The following PRIM2 variants were observed in gnomAD, a reference collection of about 807,000 sequenced individuals.
The protein encoded by PRIM2 is DNA primase subunit 2.
PRIM2 carries 39 observed loss-of-function variants against 67.3 expected under a neutral mutation model. That is an observed-to-expected ratio of 0.58 (90% CI 0.45 to 0.76). The LOEUF is 0.76. Ranked by LOEUF, PRIM2 falls within the 30% of genes least tolerant of loss-of-function variation. The pLI, the probability that PRIM2 is intolerant of heterozygous loss-of-function variation, is 0.00. For missense variants in PRIM2, 398 were observed against 598.7 expected, an observed-to-expected ratio of 0.66 and a Z score of 3.50; for synonymous variants, 143 against 198.7, an observed-to-expected ratio of 0.72 and a Z score of 2.36.
At chr6:57,497,044 G>C (rs1774020366) in intron 7 of PRIM2, among the ~76,000 whole-genome samples, 1 of 152,278 alleles carries the variant, frequency 6.6e-6, no homozygotes, top group African/African-American at 2.4e-5. Flanking sequence ...CTAAGGAATA[G>C]ATAAAACCAT....
At chr6:57,288,526 G>T in the PRIM2 span, among the ~76,000 whole-genome samples, 1 of 152,270 alleles carries the variant, frequency 6.6e-6, no homozygotes, top group African/African-American at 2.4e-5. Context: ...AGCCTGACTG[G>T]GAGATACCTC....
chr6:57,578,923 G>T (rs1776022316), intron 10 of PRIM2, among the ~76,000 whole-genome samples: 1 of 151,452 alleles, frequency 6.6e-6, no homozygotes, highest in Admixed American at 6.6e-5. Flanking sequence ...TGATCCGCCC[G>T]CCTCGGCCTC....
At chr6:57,283,211 A>G in the PRIM2 span, among the ~76,000 whole-genome samples, 1 of 152,196 alleles carries the variant, frequency 6.6e-6, no homozygotes, top group Non-Finnish European at 1.5e-5. Flanking sequence ...ATGATCAACA[A>G]TTCAACCATA....
intron 10 of PRIM2, among the ~76,000 whole-genome samples, chr6:57,581,957 C>G (rs1253469832): frequency 6.6e-6 from 1 of 152,176 alleles, no homozygotes; most frequent in Non-Finnish European, 1.5e-5. Flanking sequence ...AGACCAGCAT[C>G]CCATGTAGCT....
chr6:57,637,254 T>A (rs2127500623), intron 13 of PRIM2, among the ~76,000 whole-genome samples: 1 of 152,212 alleles, frequency 6.6e-6, no homozygotes, highest in African/African-American at 2.4e-5. Flanking sequence ...CATGCAAAGT[T>A]CACCAACATC....
intron 10 of PRIM2, among the ~76,000 whole-genome samples, chr6:57,537,884 A>G (rs1418922661): frequency 4.6e-5 from 7 of 152,228 alleles, no homozygotes; most frequent in East Asian, 1.9e-4. Flanking sequence ...AGAGTTATAT[A>G]TCTGTAGGAA....
chr6:57,276,627 A>G, the PRIM2 span, among the ~76,000 whole-genome samples: 1 of 152,096 alleles, frequency 6.6e-6, no homozygotes, highest in African/African-American at 2.4e-5. Context: ...TGAAGAAATG[A>G]TCATTAAGAT....
chr6:57,496,635 T>C (rs1774011413), intron 7 of PRIM2, among the ~76,000 whole-genome samples: 1 of 152,214 alleles, frequency 6.6e-6, no homozygotes, highest in South Asian at 2.1e-4. Context: ...GTTTATTATC[T>C]TACATTAAAT....
intron 10 of PRIM2, among the ~76,000 whole-genome samples, chr6:57,578,571 T>C (rs1776004073): frequency 1.3e-5 from 2 of 152,230 alleles, no homozygotes; most frequent in Admixed American, 1.3e-4. Flanking sequence ...ATCCAGTCTT[T>C]GTTGTTGATT....
intron 7 of PRIM2, among the ~76,000 whole-genome samples, chr6:57,501,055 G>C (rs1774120035): frequency 1.3e-5 from 2 of 152,146 alleles, no homozygotes; most frequent in East Asian, 1.9e-4. Context: ...GCTTTTCCTA[G>C]GTGCAACCAA....
At chr6:57,474,734 G>T (rs2127403233) in intron 7 of PRIM2, among the ~76,000 whole-genome samples, 1 of 152,258 alleles carries the variant, frequency 6.6e-6, no homozygotes, top group South Asian at 2.1e-4. Context: ...GGTGATTAAA[G>T]AGGTGTACTC....
upstream of PRIM2, among the ~76,000 whole-genome samples, chr6:57,314,432 C>T (rs1194216859): frequency 5.9e-5 from 9 of 152,216 alleles, no homozygotes; most frequent in Admixed American, 5.9e-4. Context: ...AGGAGAATTG[C>T]CTGAACCCAG....
At chr6:57,541,471 G>A (rs1476066193) in intron 10 of PRIM2, among the ~76,000 whole-genome samples, 2 of 152,060 alleles carry the variant, frequency 1.3e-5, no homozygotes, top group African/African-American at 4.8e-5. Context: ...GTGAATATAT[G>A]TAATATTCAA....
intron 7 of PRIM2, among the ~76,000 whole-genome samples, chr6:57,453,338 TTGATGGGGA>T (rs1403551179): frequency 5.9e-5 from 9 of 152,296 alleles, no homozygotes; most frequent in African/African-American, 2.2e-4. Context: ...CATTGGTAGC[TTGATGGGGA>T]TGGCATTGAA....
At chr6:57,482,762 G>GA (rs1299914455) in intron 7 of PRIM2, among the ~76,000 whole-genome samples, 1 of 152,158 alleles carries the variant, frequency 6.6e-6, no homozygotes, top group Non-Finnish European at 1.5e-5. Context: ...AGAGACAGGA[G>GA]AAAGTATCAG....
At position 57,320,564 on chromosome 6, in the gene PRIM2, AG is replaced by A; in HGVS notation, c.258+5del. The stretch of plus-strand genomic sequence containing the variant: ...GAAGCTCAAGTTTTCCTACAGAGTA[AG>A]TAAAAAAGGAAAAAAAAGTTCCTTC... On this transcript the variant is annotated splice_donor_5th_base_variant and intron_variant, in intron 3 of 13. Coordinates refer to ENST00000615550, the MANE Select transcript of PRIM2 (RefSeq NM_000947.5). 6.3e-7 allele frequency: 1 copy of A among 1,582,442 alleles called. No homozygotes were observed. The highest frequency in any genetic ancestry group is 8.6e-7 in the Non-Finnish European group (1 of 1,166,302).
the PRIM2 span, among the ~76,000 whole-genome samples, chr6:57,240,888 AG>A: frequency 6.6e-6 from 1 of 152,090 alleles, no homozygotes; most frequent in African/African-American, 2.4e-5. Flanking sequence ...CAGAAGTTCA[AG>A]ACCAGCTTGG....
At chr6:57,512,984 C>G (rs1400331215) in intron 8 of PRIM2, among the ~76,000 whole-genome samples, 48 of 152,100 alleles carry the variant, frequency 3.2e-4, no homozygotes, top group Non-Finnish European at 5.6e-4. Flanking sequence ...TTTCATAAGA[C>G]TATACCATTT....
In PRIM2 at chr6:57,325,914, CTTCAT is replaced by C; in HGVS notation, c.339-6_339-2del. On this transcript the variant is annotated splice_polypyrimidine_tract_variant and splice_region_variant and intron_variant, in intron 4 of 13. Coordinates refer to ENST00000615550, the MANE Select transcript of PRIM2 (RefSeq NM_000947.5). Reference sequence around the variant, plus strand: ...TTTAGTTTGTACTCATAATTTCTGTCTTCATTTCAGTGAAGAACTTAGACGCTGGT... The same window carrying C: ...TTTAGTTTGTACTCATAATTTCTGTCTTCAGTGAAGAACTTAGACGCTGGT... 1 of 1,578,982 alleles carries C rather than the reference CTTCAT, an allele frequency of 6.3e-7. No homozygotes were observed. Among genetic ancestry groups the C allele is most frequent in the Non-Finnish European group, 8.6e-7 (1 of 1,163,408 alleles).
Sources: gnomAD v4.1 joint callset for allele counts (sites outside exome capture counted in the v4.1 genomes callset) on GRCh38, gnomAD v4.1.1 for gene constraint, MANE v1.5 for transcripts, NCBI Gene and HGNC (gene_info 2026-07-23, HGNC 2026-07-21) for gene names.